ERC2: variants seen among roughly 807,000 people sequenced by gnomAD.
The protein encoded by ERC2 is ELKS/RAB6-interacting/CAST family member 2.
A neutral mutation model predicts 114.8 loss-of-function variants in ERC2; 42 were observed. The ratio of observed to expected loss-of-function variants is 0.37; its 90% CI spans 0.29 to 0.47. The LOEUF is 0.47. Among genes scored for constraint, ERC2 ranks in the 20% least tolerant of loss-of-function variants. The pLI, the probability that ERC2 is intolerant of heterozygous loss-of-function variation, is 0.99. For missense variants in ERC2, 939 were observed against 1,150.7 expected, an observed-to-expected ratio of 0.82 and a Z score of 2.66; for synonymous variants, 454 against 425.5, an observed-to-expected ratio of 1.07 and a Z score of -0.82.
chr3:56,281,573 T>C (rs1035266694), intron 3 of ERC2, among the ~76,000 whole-genome samples: 30 of 151,682 alleles, frequency 2.0e-4, no homozygotes, highest in African/African-American at 6.5e-4. Context: ...ATGAGTACAA[T>C]GTGATTCCTG....
In ERC2 at chr3:56,378,042, C is replaced by T. The variant is rs191959868; in HGVS notation, c.657+56309G>A. On this transcript the variant is annotated intron_variant, in intron 2 of 17. Transcript: ENST00000288221. ...CTCAATCTTCTTGAAGGGAGCAGAT[C>T]GCCCGCCCAGAAGCTCAATACCTTC... Among the ~76,000 whole-genome samples, 404 of 152,216 alleles carry T rather than the reference C, an allele frequency of 2.7e-3. 1 individual carries two copies. The highest frequency in any genetic ancestry group is 4.4e-3 in the Non-Finnish European group (298 of 68,020).
intron 16 of ERC2, among the ~76,000 whole-genome samples, chr3:55,686,313 T>A (rs1330849698): frequency 1.3e-5 from 2 of 152,224 alleles, no homozygotes; most frequent in African/African-American, 4.8e-5. Context: ...GAACTCAGAA[T>A]ATTATGCATT....
At chr3:56,344,811 T>C (rs1458049663) in intron 2 of ERC2, among the ~76,000 whole-genome samples, 1 of 152,200 alleles carries the variant, frequency 6.6e-6, no homozygotes, top group Non-Finnish European at 1.5e-5. Flanking sequence ...TATCTTCTAT[T>C]CACCATTAGG....
At chr3:56,022,303 T>C (rs1486981689) in intron 7 of ERC2, among the ~76,000 whole-genome samples, 3 of 152,244 alleles carry the variant, frequency 2.0e-5, no homozygotes, top group Non-Finnish European at 4.4e-5. Context: ...GGACGACTGA[T>C]GATTTTACTT....
At chr3:56,184,415 A>G (rs964849502) in intron 3 of ERC2, among the ~76,000 whole-genome samples, 4 of 152,218 alleles carry the variant, frequency 2.6e-5, no homozygotes, top group African/African-American at 9.7e-5. Flanking sequence ...CTGGAATATA[A>G]GACCACAAAT....
chr3:55,884,755 T>C (rs541620397), intron 14 of ERC2, among the ~76,000 whole-genome samples: 1 of 152,230 alleles, frequency 6.6e-6, no homozygotes, highest in African/African-American at 2.4e-5. Flanking sequence ...TTGGACCCAG[T>C]TGCTTTCCAA....
chr3:55,985,853 T>G lies in ERC2; in HGVS notation c.2267+124A>C. 6 of 819,598 alleles carry G rather than the reference T, an allele frequency of 7.3e-6. 1 individual carries two copies. The Middle Eastern group carries it at 1.4e-3, about 185-fold the overall frequency. The allele number at this position is 819,598 out of a possible 1,614,324, so 50.8% of individuals were successfully genotyped here. A position where few individuals can be genotyped will look rare whatever the true frequency, so the allele number is the denominator to read the frequency against. ...AACCTTCCCAAGGCATGGAATGAAA[T>G]GAGCGGGGGGAAATGCAGTGGCCCG... On this transcript the variant is annotated intron_variant, in intron 12 of 17. Transcript: ENST00000288221.
intron 17 of ERC2, among the ~76,000 whole-genome samples, chr3:55,675,157 C>T (rs142525279): frequency 7.7e-4 from 118 of 152,308 alleles, no homozygotes; most frequent in Admixed American, 1.6e-3. Context: ...TTCTCAGTTG[C>T]TGTGTGCTGT....
At chr3:56,024,844 A>T (rs2073945760) in intron 7 of ERC2, among the ~76,000 whole-genome samples, 1 of 152,212 alleles carries the variant, frequency 6.6e-6, no homozygotes, top group Non-Finnish European at 1.5e-5. Context: ...GGTTTGACTC[A>T]GACACTTCTC....
intron 14 of ERC2, among the ~76,000 whole-genome samples, chr3:55,807,858 T>C (rs2059549619): frequency 6.6e-6 from 1 of 152,196 alleles, no homozygotes; most frequent in Non-Finnish European, 1.5e-5. Context: ...ATTTAGACTG[T>C]CCTTGGAACC....
At chr3:56,102,409 G>GA (rs2078409812) in intron 6 of ERC2, among the ~76,000 whole-genome samples, 1 of 151,992 alleles carries the variant, frequency 6.6e-6, no homozygotes, top group Non-Finnish European at 1.5e-5. Flanking sequence ...ATATCTTTAA[G>GA]AAAAAAACAA....
intron 14 of ERC2, among the ~76,000 whole-genome samples, chr3:55,766,088 A>G (rs2067764766): frequency 6.6e-6 from 1 of 152,192 alleles, no homozygotes. Context: ...GTGTGAAGCT[A>G]CCAAGGCTGC....
At chr3:55,908,081 T>C (rs2064570736) in intron 13 of ERC2, among the ~76,000 whole-genome samples, 1 of 152,100 alleles carries the variant, frequency 6.6e-6, no homozygotes, top group African/African-American at 2.4e-5. Flanking sequence ...GGCGAAGCAG[T>C]TATTGTCAAG....
At chr3:55,965,056 A>G in intron 12 of ERC2, among the ~76,000 whole-genome samples, 1 of 152,144 alleles carries the variant, frequency 6.6e-6, no homozygotes, top group Non-Finnish European at 1.5e-5. Context: ...CATCACCTTT[A>G]CCATATGATA....
intron 14 of ERC2, among the ~76,000 whole-genome samples, chr3:55,766,129 C>T (rs1340693002): frequency 1.3e-5 from 2 of 152,130 alleles, no homozygotes; most frequent in East Asian, 3.9e-4. Flanking sequence ...AAAGCCCAGG[C>T]CACACACAGA....
intron 6 of ERC2, among the ~76,000 whole-genome samples, chr3:56,114,091 G>T (rs924238178): frequency 6.6e-6 from 1 of 152,138 alleles, no homozygotes; most frequent in African/African-American, 2.4e-5. Flanking sequence ...AAATGGGTTG[G>T]CTAAGTATAC....
At chr3:55,890,245 C>A (rs2063540185) in intron 13 of ERC2, among the ~76,000 whole-genome samples, 1 of 152,110 alleles carries the variant, frequency 6.6e-6, no homozygotes, top group Non-Finnish European at 1.5e-5. Context: ...AGTTTTCCTC[C>A]CTTTTTCTAT....
chr3:55,587,827 A>T lies in ERC2; in HGVS notation c.*40-76551T>A, dbSNP rs376717985. Reference sequence around the variant, plus strand: ...ACTATCCCACTTAATCCTAGTAATGACCTTTTAAACCAGGCCTTATCAAAC... The same window carrying T: ...ACTATCCCACTTAATCCTAGTAATGTCCTTTTAAACCAGGCCTTATCAAAC... On this transcript the variant is annotated intron_variant, in intron 17 of 17. Transcript: ENST00000288221. Among the ~76,000 whole-genome samples, 15 of 152,300 alleles carry T rather than the reference A, an allele frequency of 9.8e-5. No individual in the cohort carries two copies. In the South Asian group the frequency reaches 3.1e-3, roughly 32 times the overall value.
intron 2 of ERC2, among the ~76,000 whole-genome samples, chr3:56,432,055 G>T (rs993122297): frequency 2.6e-5 from 4 of 152,236 alleles, no homozygotes; most frequent in East Asian, 1.9e-4. Context: ...ATGGACAAAT[G>T]GTTCGAAATG....
Sources: gnomAD v4.1 joint callset for allele counts (sites outside exome capture counted in the v4.1 genomes callset) on GRCh38, gnomAD v4.1.1 for gene constraint, MANE v1.5 for transcripts, NCBI Gene and HGNC (gene_info 2026-07-23, HGNC 2026-07-21) for gene names.